FOXO1: variants seen among roughly 807,000 people sequenced by gnomAD.
FOXO1 encodes the protein forkhead box O1.
A neutral mutation model predicts 44.1 loss-of-function variants in FOXO1; 6 were observed. The ratio of observed to expected loss-of-function variants is 0.14; its 90% CI spans 0.07 to 0.27. The LOEUF is 0.27. Among genes scored for constraint, FOXO1 ranks in the 10% least tolerant of loss-of-function variants. FOXO1 has a pLI of 1.00. For synonymous variants in FOXO1, 380 were observed against 362.7 expected (o/e 1.05, Z -0.54); for missense variants, 737 against 888.8 (o/e 0.83, Z 2.17).
chr13:40,637,524 C>G (rs998698374), intron 1 of FOXO1, among the ~76,000 whole-genome samples: 2 of 148,430 alleles, frequency 1.3e-5, no homozygotes, highest in African/African-American at 4.9e-5. Context: ...TCCTAGCTAT[C>G]AAATTTTAAC....
In FOXO1 at chr13:40,560,077, G is replaced by A. The variant is rs757179771; in HGVS notation, c.1414C>T (p.Pro472Ser). Residue 472 changes from proline (P) to serine (S), a missense_variant, in exon 2 of 3, where the codon CCC becomes TCC. Pro to Ser is a moderately conservative substitution (Grantham distance 74). This residue lies in a region of FOXO1 where 283 missense variants were observed against 278.1 expected (regional missense o/e 1.02). Transcript: ENST00000379561. This position sits in a 1 kb window ranked among gnomAD's most constrained non-coding sequence, Gnocchi z 5.1. ...ACTGGTGTCATAATGTCATTATGGG[G>A]AGGAGAGTCAGAAGTCAGCAACTCC... ...LKELLTSDSP[P>S]HNDIMTPVDP... 5 of 1,614,004 alleles carry A rather than the reference G, an allele frequency of 3.1e-6. No individual in the cohort carries two copies. The South Asian group carries it at 3.3e-5, about 11-fold the overall frequency.
chr13:40,647,697 G>A lies in FOXO1; in HGVS notation c.630+17886C>T, dbSNP rs575518229. On this transcript the variant is annotated intron_variant, in intron 1 of 2. Transcript: ENST00000379561. Reference sequence around the variant, plus strand: ...TAGGATCACAGGCATGAGCCACCGCGCCCAGCTATCTAGTGTCAATTTAAA... The same window carrying A: ...TAGGATCACAGGCATGAGCCACCGCACCCAGCTATCTAGTGTCAATTTAAA... 2.6e-5 allele frequency among the ~76,000 whole-genome samples: 4 copies of A among 152,264 alleles called. No individual in the cohort carries two copies. The East Asian group carries it at 5.8e-4, about 22-fold the overall frequency.
chr13:40,609,616 AT>A (rs1876153930), intron 1 of FOXO1, among the ~76,000 whole-genome samples: 2 of 152,138 alleles, frequency 1.3e-5, no homozygotes, highest in Admixed American at 6.5e-5. Flanking sequence ...ATGTCTTCCT[AT>A]TTTTGAACCA....
At chr13:40,570,790 G>C (rs193186745) in intron 1 of FOXO1, among the ~76,000 whole-genome samples, 1 of 152,286 alleles carries the variant, frequency 6.6e-6, no homozygotes, top group Non-Finnish European at 1.5e-5. Context: ...AAGTGAAATG[G>C]AAGTCTCCTG....
chr13:40,623,092 A>C (rs1158914686), intron 1 of FOXO1, among the ~76,000 whole-genome samples: 1 of 151,824 alleles, frequency 6.6e-6, no homozygotes, highest in Non-Finnish European at 1.5e-5. Context: ...GCATTTATTC[A>C]CCTTTCTCTA....
chr13:40,640,471 G>C lies in FOXO1; in HGVS notation c.630+25112C>G, dbSNP rs1877311068. Among the ~76,000 whole-genome samples, 4 of 152,200 alleles carry C rather than the reference G, an allele frequency of 2.6e-5. No homozygotes were observed. The South Asian group carries it at 8.3e-4, about 31-fold the overall frequency. On this transcript the variant is annotated intron_variant, in intron 1 of 2. Transcript: ENST00000379561. ...CTCCTGGGCGCTATTCTGCTCATCT[G>C]ATGATCCAGTTAGAAGGGCGGCTTT...
At position 40,559,792 on chromosome 13, in the gene FOXO1, G is replaced by A. The variant is rs746945626; in HGVS notation, c.1699C>T (p.Pro567Ser). 4.3e-6 allele frequency: 7 copies of A among 1,613,782 alleles called. No individual in the cohort carries two copies. The highest frequency in any genetic ancestry group is 5.9e-6 in the Non-Finnish European group (7 of 1,179,834). Residue 567 changes from proline (P) to serine (S), a missense_variant, in exon 2 of 3, where the codon CCC becomes TCC. Pro to Ser is a moderately conservative substitution (Grantham distance 74). Around this residue, in one of 7 missense-constraint regions of FOXO1, gnomAD observed 283 missense variants for 278.1 expected, o/e 1.02. Transcript: ENST00000379561. ...QVKTPVQVPLPHPMQMSALGG... is the reference protein window; with the variant it reads ...QVKTPVQVPLSHPMQMSALGG... The stretch of plus-strand genomic sequence containing the variant: ...AGGGCACTCATCTGCATGGGGTGGG[G>A]CAGAGGCACTTGTACAGGTGTCTTC...
Position 40,560,151 on chromosome 13 carries a change from G to C in FOXO1, c.1340C>G (p.Ser447Trp). The C allele has an allele frequency of 6.2e-7, 1 of 1,614,116 alleles. No individual in the cohort carries two copies. Among genetic ancestry groups the C allele is most frequent in the Non-Finnish European group, 8.5e-7 (1 of 1,180,026 alleles). The change falls in exon 2 of 3, where the codon TCG becomes TGG. Residue 447 changes from serine to tryptophan, a missense_variant. Ser to Trp is a radical substitution (Grantham distance 177, BLOSUM62 -3). Around this residue, in one of 7 missense-constraint regions of FOXO1, gnomAD observed 283 missense variants for 278.1 expected, o/e 1.02. Coordinates refer to ENST00000379561, the MANE Select transcript of FOXO1 (RefSeq NM_002015.4). This position sits in a 1 kb window ranked among gnomAD's most constrained non-coding sequence, Gnocchi z 5.1. The stretch of plus-strand genomic sequence containing the variant: ...ATACTGACTCATACCTCCATAACTC[G>C]ACTTATTGTCCTGAAGTGTTTGTAT... ...MPIQTLQDNK[S>W]SYGGMSQYNC...
chr13:40,564,037 C>A (rs955080913), intron 1 of FOXO1, among the ~76,000 whole-genome samples: 1 of 152,138 alleles, frequency 6.6e-6, no homozygotes, highest in African/African-American at 2.4e-5. Flanking sequence ...GACTCCTGTC[C>A]CTGTCACATT....
intron 1 of FOXO1, among the ~76,000 whole-genome samples, chr13:40,575,854 T>C (rs1270574275): frequency 6.6e-6 from 1 of 152,144 alleles, no homozygotes; most frequent in African/African-American, 2.4e-5. Flanking sequence ...ACGCTGGAAT[T>C]GGGACGTGAA....
intron 1 of FOXO1, among the ~76,000 whole-genome samples, chr13:40,602,017 A>G (rs958474018): frequency 6.6e-6 from 1 of 152,240 alleles, no homozygotes; most frequent in Non-Finnish European, 1.5e-5. Context: ...CTGAAACTAC[A>G]TGACATAGAA....
At chr13:40,611,043 C>T (rs1246952123) in intron 1 of FOXO1, 5 of 455,880 alleles carry the variant, frequency 1.1e-5, no homozygotes, top group Admixed American at 4.7e-5. Flanking sequence ...CTCAACTGAA[C>T]GTGAGGAGAA....
chr13:40,595,098 C>T (rs1336911324), intron 1 of FOXO1, among the ~76,000 whole-genome samples: 2 of 152,216 alleles, frequency 1.3e-5, no homozygotes, highest in Non-Finnish European at 2.9e-5. Context: ...AATAGCTTCA[C>T]ATTGCAAATG....
chr13:40,618,921 T>C (rs1299634558), intron 1 of FOXO1: 2 of 525,594 alleles, frequency 3.8e-6, no homozygotes, highest in Non-Finnish European at 7.7e-6. Context: ...CCTAGAGAAA[T>C]AACATCAGAA....
At chr13:40,566,018 G>A (rs1345254654) in intron 1 of FOXO1, among the ~76,000 whole-genome samples, 2 of 152,212 alleles carry the variant, frequency 1.3e-5, no homozygotes, top group Non-Finnish European at 2.9e-5. Flanking sequence ...GGCTGTCAGT[G>A]CCCTGGTCAG....
intron 1 of FOXO1, among the ~76,000 whole-genome samples, chr13:40,665,119 C>G (rs1878181382): frequency 6.6e-6 from 1 of 151,700 alleles, no homozygotes; most frequent in Non-Finnish European, 1.5e-5. Flanking sequence ...AGCGAGGCTC[C>G]GGGGCCCCTC....
intron 1 of FOXO1, among the ~76,000 whole-genome samples, chr13:40,572,481 C>A (rs1874570701): frequency 1.3e-5 from 2 of 152,154 alleles, no homozygotes; most frequent in South Asian, 4.1e-4. Flanking sequence ...GTGTAACACT[C>A]TGAATTACAC....
chr13:40,579,429 A>C (rs1874879768), intron 1 of FOXO1, among the ~76,000 whole-genome samples: 1 of 152,232 alleles, frequency 6.6e-6, no homozygotes, highest in Non-Finnish European at 1.5e-5. Context: ...CCAACAGTCA[A>C]CATCATCTTC....
intron 1 of FOXO1, among the ~76,000 whole-genome samples, chr13:40,631,961 C>T (rs780511677): frequency 4.8e-4 from 73 of 152,160 alleles, no homozygotes; most frequent in Non-Finnish European, 8.5e-4. Context: ...AAAAATAGGA[C>T]ACTACCTCCA....
Sources: allele counts gnomAD v4.1 joint callset (sites outside exome capture counted in the v4.1 genomes callset), GRCh38; gene constraint gnomAD v4.1.1; regional missense constraint gnomAD v4.1.1; non-coding constraint Gnocchi (gnomAD v3.1); transcripts MANE v1.5; gene names NCBI Gene and HGNC (gene_info 2026-07-23, HGNC 2026-07-21).